Variants in PCDHA2 observed in about 807,000 individuals in gnomAD.
PCDHA2 encodes protocadherin alpha 2, also known as protocadherin alpha-2.
In PCDHA2, 58 loss-of-function variants were observed where a neutral mutation model predicts 66.0. The ratio of observed to expected loss-of-function variants is 0.88; its 90% CI spans 0.71 to 1.09. The LOEUF is 1.09. Ranked by LOEUF, PCDHA2 falls within the 50% of genes least tolerant of loss-of-function variation. The pLI, the probability that PCDHA2 is intolerant of heterozygous loss-of-function variation, is 0.00. For synonymous variants in PCDHA2, 634 were observed against 554.0 expected, an observed-to-expected ratio of 1.14 and a Z score of -2.03; for missense variants, 1,267 against 1,242.3, an observed-to-expected ratio of 1.02 and a Z score of -0.30.
At chr5:140,900,546 G>A (rs1430203463) in intron 1 of PCDHA2, among the ~76,000 whole-genome samples, 3 of 152,162 alleles carry the variant, frequency 2.0e-5, no homozygotes, top group East Asian at 1.9e-4. Context: ...CAAAGTGCTG[G>A]GATTACAGGC....
intron 1 of PCDHA2, among the ~76,000 whole-genome samples, chr5:140,833,724 C>T (rs1420470141): frequency 9.3e-5 from 14 of 149,846 alleles, no homozygotes; most frequent in Non-Finnish European, 1.8e-4. Flanking sequence ...TGGATAGTTG[C>T]TAATGTTTCT....
intron 1 of PCDHA2, chr5:140,830,799 G>A (rs1297330386): frequency 6.3e-6 from 1 of 158,848 alleles, no homozygotes; most frequent in African/African-American, 2.4e-5. Flanking sequence ...AATTATATGG[G>A]ATTTTCATTT....
At chr5:140,979,126 A>G in intron 2 of PCDHA2, 119 bp downstream of exon 2, 2 of 1,481,366 alleles carry the variant, frequency 1.4e-6, no homozygotes, top group South Asian at 1.4e-5. Context: ...GTACTTTGCC[A>G]GGAAAATGCA....
intron 1 of PCDHA2, chr5:140,802,396 C>T (rs1321170045): frequency 2.5e-6 from 4 of 1,614,262 alleles, no homozygotes; most frequent in Non-Finnish European, 3.4e-6. Context: ...CTGGTGTCCA[C>T]CTTCAAGAAT....
chr5:140,802,530 G>T (rs1554122187), intron 1 of PCDHA2: 3 of 1,614,208 alleles, frequency 1.9e-6, no homozygotes, highest in East Asian at 2.2e-5. Context: ...GTCCGTGGAG[G>T]TGGCCGACGT....
chr5:140,876,948 C>T, intron 1 of PCDHA2: 2 of 1,613,572 alleles, frequency 1.2e-6, no homozygotes, highest in Non-Finnish European at 1.7e-6. Context: ...TGGTGTCCTA[C>T]TCGCTGGTGG....
intron 1 of PCDHA2, among the ~76,000 whole-genome samples, chr5:140,944,651 C>T (rs1554216459): frequency 6.6e-6 from 1 of 152,152 alleles, no homozygotes; most frequent in Non-Finnish European, 1.5e-5. Context: ...ATTGGGAGTC[C>T]ATACCCCTTA....
chr5:140,801,779 C>T (rs782318440), intron 1 of PCDHA2: 7 of 1,613,560 alleles, frequency 4.3e-6, no homozygotes, highest in Non-Finnish European at 5.9e-6. Context: ...CCCTTGGACT[C>T]GTGTTGAAAA....
chr5:140,838,352 G>A (rs908927118), intron 1 of PCDHA2, among the ~76,000 whole-genome samples: 1 of 150,310 alleles, frequency 6.7e-6, no homozygotes, highest in African/African-American at 2.5e-5. Flanking sequence ...TCGAAATCTG[G>A]GACTCAAGTG....
intron 1 of PCDHA2, chr5:140,882,820 C>G (rs782663593): frequency 1.2e-6 from 2 of 1,614,102 alleles, no homozygotes; most frequent in African/African-American, 2.7e-5. Flanking sequence ...ACGCACAAAA[C>G]AGTCTTGAGC....
In PCDHA2 at chr5:140,850,723, G is replaced by A; in HGVS notation, c.2388+53371G>A. ...GGCAAGCCGACGCTGGTGTGTTCTA[G>A]CGCGGTGGGGAGTTGGTCGTACTCG... On this transcript the variant is annotated intron_variant, in intron 1 of 3. Coordinates refer to ENST00000526136, the MANE Select transcript of PCDHA2 (RefSeq NM_018905.3). 17 of 1,598,038 alleles carry A rather than the reference G, an allele frequency of 1.1e-5. 1 individual carries two copies. The highest frequency in any genetic ancestry group is 1.5e-5 in the Non-Finnish European group (17 of 1,167,660).
intron 1 of PCDHA2, among the ~76,000 whole-genome samples, chr5:140,846,376 T>C (rs2150389253): frequency 0.033 from 4,309 of 129,342 alleles, 439 homozygotes; most frequent in African/African-American, 0.12. Flanking sequence ...TTTCTTTCTT[T>C]TTTTTTTTTT....
Position 140,795,250 on chromosome 5 carries a change from T to C in PCDHA2, c.286T>C (p.Cys96Arg). The C allele has an allele frequency of 6.2e-7, 1 of 1,614,164 alleles. No homozygotes were observed. The highest frequency in any genetic ancestry group is 8.5e-7 in the Non-Finnish European group (1 of 1,180,034). Reference protein sequence around the residue: ...VNSRIDREELCGRSAECSIHV... With the variant: ...VNSRIDREELRGRSAECSIHV... ...TTCTCGGATCGACCGGGAGGAGCTGTGCGGGCGGAGCGCGGAATGTAGCAT... is the reference window on the plus strand; with the variant it reads ...TTCTCGGATCGACCGGGAGGAGCTGCGCGGGCGGAGCGCGGAATGTAGCAT... The change falls in exon 1 of 4, where the codon TGC becomes CGC. Residue 96 changes from cysteine to arginine, a missense_variant. Transcript: ENST00000526136.
At chr5:140,971,695 A>G (rs563817946) in intron 1 of PCDHA2, among the ~76,000 whole-genome samples, 26 of 152,062 alleles carry the variant, frequency 1.7e-4, no homozygotes, top group Admixed American at 5.2e-4. Flanking sequence ...GTACTCACTA[A>G]CCACCCTGCT....
intron 1 of PCDHA2, among the ~76,000 whole-genome samples, chr5:140,945,772 T>A (rs538344111): frequency 1.2e-4 from 18 of 152,228 alleles, no homozygotes; most frequent in African/African-American, 4.1e-4. Context: ...GACAATTTGA[T>A]ATCCAGATGC....
In PCDHA2 at chr5:140,883,376, G is replaced by T. The variant is rs1276182742; in HGVS notation, c.2388+86024G>T. On this transcript the variant is annotated intron_variant, in intron 1 of 3. Transcript: ENST00000526136. The stretch of plus-strand genomic sequence containing the variant: ...AGACACTCAGCCTAGCGCCATTATT[G>T]CCCTAATCAGTGTGTCCGATCGTGA... 25 of 1,613,998 alleles carry T rather than the reference G, an allele frequency of 1.5e-5. No homozygotes were observed. The highest frequency in any genetic ancestry group is 2.0e-5 in the Non-Finnish European group (24 of 1,180,022).
At position 140,850,415 on chromosome 5, in the gene PCDHA2, G is replaced by A. The variant is rs2150483298; in HGVS notation, c.2388+53063G>A. On this transcript the variant is annotated intron_variant, in intron 1 of 3. Transcript: ENST00000526136. The stretch of plus-strand genomic sequence containing the variant: ...GCACAACGCGTGCCCTGGACGAAAC[G>A]GACGCACCGCGCCAGCGCCTACTGG... 3.1e-6 allele frequency: 5 copies of A among 1,597,962 alleles called. 1 individual carries two copies. The highest frequency in any genetic ancestry group is 4.3e-6 in the Non-Finnish European group (5 of 1,167,734).
chr5:140,856,683 C>T, intron 1 of PCDHA2: 1 of 1,597,480 alleles, frequency 6.3e-7, no homozygotes, highest in Non-Finnish European at 8.6e-7. Context: ...TTGTTGTTGA[C>T]AGCAACTGAT....
chr5:140,982,224 A>G (rs893184323), intron 2 of PCDHA2: 8 of 587,202 alleles, frequency 1.4e-5, no homozygotes, highest in South Asian at 3.8e-5. Flanking sequence ...TGGCGTTAAT[A>G]AAAAACAGAA....
Sources: allele counts gnomAD v4.1 joint callset (sites outside exome capture counted in the v4.1 genomes callset), GRCh38; gene constraint gnomAD v4.1.1; transcripts MANE v1.5; gene names NCBI Gene and HGNC (gene_info 2026-07-23, HGNC 2026-07-21).